Variants in RP1 observed in about 807,000 individuals in gnomAD.
RP1 encodes the protein oxygen-regulated protein 1.
In RP1, 16 loss-of-function variants were observed where a neutral mutation model predicts 14.8. That is an observed-to-expected ratio of 1.08 (90% CI 0.73 to 1.65). The LOEUF is 1.65. RP1 is among the 40% of genes most tolerant of loss of function. The probability of loss-of-function intolerance (pLI) is 0.00; values close to 1 mark genes in which losing one functional copy is unlikely to be tolerated. For missense variants in RP1, 2,631 were observed against 2,535.0 expected (o/e 1.04, Z -0.81); for synonymous variants, 876 against 883.6 (o/e 0.99, Z 0.15).
chr8:54,599,563 G>T (rs1010313139), intron 1 of RP1, among the ~76,000 whole-genome samples: 1 of 151,552 alleles, frequency 6.6e-6, no homozygotes, highest in African/African-American at 2.4e-5. Flanking sequence ...GCTTCAATCA[G>T]TTCTCATGGC....
chr8:54,797,534 C>CACACAG, intron 24 of RP1, among the ~76,000 whole-genome samples: 1 of 151,132 alleles, frequency 6.6e-6, no homozygotes. Flanking sequence ...GGACTAAACA[C>CACACAG]ACACACACAC....
In RP1 at chr8:54,740,772, G is replaced by T. The variant is rs531765239; in HGVS notation, c.2808+1743G>T. On this transcript the variant is annotated intron_variant, in intron 19 of 22. Transcript: ENST00000636932. ...GAAAAAAAGCTTATGGGCCGGGTGC[G>T]GTGGATCATGCCTGTCATCTCAGCA... Among the ~76,000 whole-genome samples, 4 of 151,518 alleles carry T rather than the reference G, an allele frequency of 2.6e-5. No individual in the cohort carries two copies. The South Asian group carries it at 8.4e-4, about 32-fold the overall frequency.
Position 54,625,087 on chromosome 8 carries a change from G to A in RP1, c.1205G>A (p.Gly402Asp), listed in dbSNP as rs777657118. The A allele has an allele frequency of 1.7e-5, 27 of 1,614,050 alleles. No individual in the cohort carries two copies. Among genetic ancestry groups the A allele is most frequent in the Non-Finnish European group, 2.3e-5 (27 of 1,180,048 alleles). The change falls in exon 4 of 4, where the codon GGC becomes GAC. Residue 402 changes from glycine to aspartate, a missense_variant. Coordinates refer to ENST00000220676, the MANE Select transcript of RP1 (RefSeq NM_006269.2). ...ATGGAGCGAAGCAGTAATCAAGAGG[G>A]CAGTTTGGCAGAGGAGATAAACATT... ...SPMERSSNQE[G>D]SLAEEINIQM...
At chr8:54,595,350 T>G (rs1318484453) in intron 1 of RP1, among the ~76,000 whole-genome samples, 2 of 152,056 alleles carry the variant, frequency 1.3e-5, no homozygotes, top group African/African-American at 2.4e-5. Context: ...AGGATGGTCT[T>G]GATCTCCTGA....
At chr8:54,689,955 T>A (rs1807670006) in intron 12 of RP1, among the ~76,000 whole-genome samples, 1 of 152,084 alleles carries the variant, frequency 6.6e-6, no homozygotes. Flanking sequence ...TATAGCTTCT[T>A]AAATCTTCTT....
chr8:54,592,096 A>T (rs1187091293), intron 1 of RP1, among the ~76,000 whole-genome samples: 1 of 152,198 alleles, frequency 6.6e-6, no homozygotes, highest in African/African-American at 2.4e-5. Context: ...ATTTTTGCAA[A>T]CAACCCACCA....
At chr8:54,851,496 T>G (rs1342742856) in intron 25 of RP1, among the ~76,000 whole-genome samples, 1 of 152,218 alleles carries the variant, frequency 6.6e-6, no homozygotes, top group Non-Finnish European at 1.5e-5. Flanking sequence ...CTTGTTTTCA[T>G]GAAGAATTTT....
chr8:54,838,506 C>T (rs991865032), intron 25 of RP1, among the ~76,000 whole-genome samples: 6 of 151,742 alleles, frequency 4.0e-5, no homozygotes, highest in African/African-American at 1.2e-4. Flanking sequence ...TGCATGAATG[C>T]TTATATATGT....
intron 12 of RP1, among the ~76,000 whole-genome samples, chr8:54,694,954 T>C (rs999478923): frequency 7.9e-5 from 12 of 152,292 alleles, no homozygotes; most frequent in African/African-American, 2.6e-4. Flanking sequence ...CTTGTGGGCA[T>C]TTAGTGCTAT....
chr8:54,734,594 A>G, exon 18 of RP1: 2 of 1,535,648 alleles, frequency 1.3e-6, no homozygotes, highest in Non-Finnish European at 1.7e-6. Context: ...CAGAAGATGA[A>G]TGGAAGGTGT....
intron 19 of RP1, among the ~76,000 whole-genome samples, chr8:54,754,224 C>T (rs1210163895): frequency 6.6e-6 from 1 of 152,036 alleles, no homozygotes; most frequent in East Asian, 1.9e-4. Flanking sequence ...TATTTAGAGC[C>T]TACAGATGTT....
chr8:54,563,518 T>A (rs959091231), intron 1 of RP1, among the ~76,000 whole-genome samples: 2 of 102,444 alleles, frequency 2.0e-5, no homozygotes, highest in African/African-American at 6.6e-5. Flanking sequence ...CAGCTATTAT[T>A]ACTATTTGTG....
At chr8:54,690,005 G>T (rs1172393709) in intron 12 of RP1, among the ~76,000 whole-genome samples, 1 of 151,946 alleles carries the variant, frequency 6.6e-6, no homozygotes, top group Non-Finnish European at 1.5e-5. Context: ...AAAAATTACT[G>T]CTTCAGTAAA....
rs1299962476 is a variant in RP1, at chr8:54,629,984, G to GA, written c.6104dup (p.Asn2035LysfsTer12). 2 of 1,613,978 alleles carry GA rather than the reference G, an allele frequency of 1.2e-6. No homozygotes were observed. The highest frequency in any genetic ancestry group is 1.7e-6 in the Non-Finnish European group (2 of 1,179,966). On this transcript the variant is annotated frameshift_variant, in exon 4 of 4. Coordinates refer to ENST00000220676, the MANE Select transcript of RP1 (RefSeq NM_006269.2). LOFTEE classifies it low-confidence loss of function (END_TRUNC). ...CAGATTTGAAGGAAAGGTTTTGTAT[G>GA]AATTTCTTGCACACATCATTGTTAG...
At chr8:54,847,352 T>C (rs1478737668) in intron 25 of RP1, among the ~76,000 whole-genome samples, 1 of 152,056 alleles carries the variant, frequency 6.6e-6, no homozygotes, top group Non-Finnish European at 1.5e-5. Flanking sequence ...AAGAAATAAA[T>C]GTCACTCCCG....
chr8:54,583,785 T>C (rs6989033), intron 1 of RP1, among the ~76,000 whole-genome samples: 12,029 of 152,186 alleles, frequency 0.079, 1,509 homozygotes, highest in African/African-American at 0.26. Context: ...AGTTTATTTG[T>C]GTAGAGGTGT....
chr8:54,736,063 C>G (rs755169255), intron 18 of RP1, among the ~76,000 whole-genome samples: 2 of 152,076 alleles, frequency 1.3e-5, no homozygotes, highest in Non-Finnish European at 2.9e-5. Context: ...TTTAGATGTT[C>G]CCCAAGTGAT....
intron 1 of RP1, among the ~76,000 whole-genome samples, chr8:54,584,228 A>T (rs1354791461): frequency 2.6e-5 from 4 of 152,198 alleles, no homozygotes; most frequent in African/African-American, 9.7e-5. Flanking sequence ...TTCAAAGAAC[A>T]TCTTTATTTC....
intron 16 of RP1, chr8:54,720,374 A>G: frequency 7.6e-7 from 1 of 1,322,778 alleles, no homozygotes; most frequent in Non-Finnish European, 1.0e-6. Flanking sequence ...GTGTCTGAAA[A>G]TTTCATCACA....
Sources: allele counts gnomAD v4.1 joint callset (sites outside exome capture counted in the v4.1 genomes callset), GRCh38; gene constraint gnomAD v4.1.1; transcripts MANE v1.5; gene names NCBI Gene and HGNC (gene_info 2026-07-23, HGNC 2026-07-21).